The following PTPRS variants were observed in gnomAD, a reference collection of about 807,000 sequenced individuals.
The protein encoded by PTPRS is protein tyrosine phosphatase receptor type S, also known as receptor-type tyrosine-protein phosphatase S.
PTPRS carries 63 observed loss-of-function variants against 215.3 expected under a neutral mutation model. The ratio of observed to expected loss-of-function variants is 0.29; its 90% CI spans 0.24 to 0.36. The LOEUF is 0.36. Among genes scored for constraint, PTPRS ranks in the 10% least tolerant of loss-of-function variants. PTPRS has a pLI of 1.00. For missense variants in PTPRS, 2,258 were observed against 2,825.8 expected (o/e 0.80, Z 4.56); for synonymous variants, 1,404 against 1,191.4 (o/e 1.18, Z -3.68).
chr19:5,251,984 A>G (rs1460849975), intron 9 of PTPRS, among the ~76,000 whole-genome samples: 1 of 58,082 alleles, frequency 1.7e-5, no homozygotes, highest in African/African-American at 1.1e-4. Context: ...GGGGGCCAAG[A>G]GGTAAGGGGA....
chr19:5,301,440 C>T (rs922057159), intron 1 of PTPRS, among the ~76,000 whole-genome samples: 14 of 151,968 alleles, frequency 9.2e-5, no homozygotes, highest in African/African-American at 2.4e-4. Flanking sequence ...CTCAGCCTCC[C>T]GATTAGCTGG....
At chr19:5,289,254 T>C (rs2048614982) in intron 1 of PTPRS, among the ~76,000 whole-genome samples, 1 of 152,098 alleles carries the variant, frequency 6.6e-6, no homozygotes, top group Non-Finnish European at 1.5e-5. Context: ...AGAAGATCCC[T>C]AGGTCCCATC....
intron 2 of PTPRS, among the ~76,000 whole-genome samples, chr19:5,280,945 C>A (rs1039829670): frequency 9.2e-5 from 14 of 151,878 alleles, no homozygotes; most frequent in African/African-American, 3.4e-4. Context: ...GAACCCACCA[C>A]AACACCCAGC....
At chr19:5,214,880 T>TC in intron 28 of PTPRS, 144 bp from the exon 29 acceptor site, 1 of 906,824 alleles carries the variant, frequency 1.1e-6, no homozygotes, top group Non-Finnish European at 1.6e-6. Flanking sequence ...TCACAGTTTC[T>TC]CCCCCTCAGC....
At chr19:5,240,065 AAGC>A (rs2043891613) in intron 12 of PTPRS, 131 bp downstream of exon 12, 12 of 1,077,352 alleles carry the variant, frequency 1.1e-5, no homozygotes, top group Non-Finnish European at 1.4e-5. Context: ...GACGCAGGAG[AAGC>A]AGAAGGGGTG....
chr19:5,301,294 T>C (rs2049295800), intron 1 of PTPRS, among the ~76,000 whole-genome samples: 1 of 149,790 alleles, frequency 6.7e-6, no homozygotes, highest in Admixed American at 6.7e-5. Flanking sequence ...TGAGCCAGCG[T>C]CAAGTGTATT....
In PTPRS at chr19:5,206,056, AAATT is replaced by A. The variant is rs1408009406; in HGVS notation, c.*714_*717del. On this transcript the variant is annotated 3_prime_UTR_variant, in exon 38 of 38. Coordinates refer to ENST00000262963, the MANE Select transcript of PTPRS (RefSeq NM_002850.4). ...AAAGCACACTTTCTGATGGTAGGAA[AAATT>A]AAAAAAAAAAAAAAAAAAAAAAAAG... Among the ~76,000 whole-genome samples, 99 of 148,546 alleles carry A rather than the reference AAATT, an allele frequency of 6.7e-4. 1 individual carries two copies. Among genetic ancestry groups the A allele is most frequent in the African/African-American group, 2.3e-3 (90 of 39,808 alleles).
At chr19:5,285,055 G>A (rs1335285977) in intron 2 of PTPRS, among the ~76,000 whole-genome samples, 2 of 152,244 alleles carry the variant, frequency 1.3e-5, no homozygotes, top group Admixed American at 6.5e-5. Context: ...TAATACCTAC[G>A]TTTGTGGTAA....
intron 17 of PTPRS, 93 bp from the exon 18 acceptor site, chr19:5,223,390 A>C: frequency 3.0e-6 from 4 of 1,322,502 alleles, no homozygotes; most frequent in South Asian, 1.9e-5. Flanking sequence ...TTTTCCTTCA[A>C]TATAACATTT....
At position 5,215,556 on chromosome 19, in the gene PTPRS, G is replaced by T. The variant is rs373247829; in HGVS notation, c.4136C>A (p.Ala1379Glu). Residue 1379 changes from alanine (A) to glutamate (E), a missense_variant, in exon 27 of 38, where the codon GCG (alanine) becomes GAG (glutamate). By Grantham distance (107) the Ala-to-Glu change is moderately radical (BLOSUM62 -1). This residue lies in a region of PTPRS where 927 missense variants were observed against 1,125.9 expected (regional missense o/e 0.82). Coordinates refer to ENST00000262963, the MANE Select transcript of PTPRS (RefSeq NM_002850.4). The stretch of plus-strand genomic sequence containing the variant: ...GGCCTTGAGCCGCTCCGTGTGCTCC[G>T]CCATGTCTGCGATGGGAATTGGCGG... Reference protein sequence around the residue: ...SHPPIPIADMAEHTERLKAND... With the variant: ...SHPPIPIADMEEHTERLKAND... The T allele has an allele frequency of 6.2e-7, 1 of 1,611,226 alleles. No homozygotes were observed. Among genetic ancestry groups the T allele is most frequent in the South Asian group, 1.1e-5 (1 of 90,844 alleles).
At chr19:5,234,065 G>T (rs528642219) in intron 13 of PTPRS, among the ~76,000 whole-genome samples, 1 of 149,878 alleles carries the variant, frequency 6.7e-6, no homozygotes, top group Admixed American at 6.7e-5. Context: ...CATGCCAAGG[G>T]CTTCATACAA....
intron 30 of PTPRS, among the ~76,000 whole-genome samples, chr19:5,214,007 GGGCTGGGGCCCTGCTGA>G (rs1207937566): frequency 6.6e-6 from 1 of 152,240 alleles, no homozygotes; most frequent in Non-Finnish European, 1.5e-5. Flanking sequence ...CTTGAAGGCA[GGGCTGGGGCCCTGCTGA>G]GGCCCCCATC....
chr19:5,240,095 G>C, intron 12 of PTPRS, 104 bp downstream of exon 12: 1 of 1,299,084 alleles, frequency 7.7e-7, no homozygotes. Flanking sequence ...AGCAGAATCC[G>C]CAGCACACAT....
chr19:5,223,119 C>A lies in PTPRS; in HGVS notation c.2673G>T (p.Thr891=). 6.4e-7 allele frequency: 1 copy of A among 1,567,754 alleles called. No homozygotes were observed. Among genetic ancestry groups the A allele is most frequent in the Non-Finnish European group, 8.6e-7 (1 of 1,156,832 alleles). ...LEFPPSEDRY[T]ASGVHKGATY... ...TGGCCCCCTTGTGCACGCCTGATGCCGTGTAGCGGTCCTCGGAGGGCGGGA... is the reference window on the plus strand; with the variant it reads ...TGGCCCCCTTGTGCACGCCTGATGCAGTGTAGCGGTCCTCGGAGGGCGGGA... Residue 891 remains threonine (T), a synonymous_variant, in exon 18 of 38, where the codon ACG becomes ACT. Coordinates refer to ENST00000262963, the MANE Select transcript of PTPRS (RefSeq NM_002850.4).
At chr19:5,216,239 G>A (rs2041437969) in intron 26 of PTPRS, among the ~76,000 whole-genome samples, 1 of 152,084 alleles carries the variant, frequency 6.6e-6, no homozygotes, top group Admixed American at 6.5e-5. Flanking sequence ...AAGCCCCCTA[G>A]GATGGCTGCC....
chr19:5,215,273 G>T lies in PTPRS; in HGVS notation c.4318+16C>A. 6.2e-7 allele frequency: 1 copy of T among 1,613,058 alleles called. No individual in the cohort carries two copies. Among genetic ancestry groups the T allele is most frequent in the Non-Finnish European group, 8.5e-7 (1 of 1,179,186 alleles). On this transcript the variant is annotated intron_variant, in intron 28 of 37. Transcript: ENST00000262963. ...AGTGGGGAAGGGCAGGTTAAGACCCGGGATCTCCGAACTACCTTCAATGGG... is the reference window on the plus strand; with the variant it reads ...AGTGGGGAAGGGCAGGTTAAGACCCTGGATCTCCGAACTACCTTCAATGGG...
chr19:5,238,747 T>G lies in PTPRS; in HGVS notation c.1849+172A>C, dbSNP rs116555347. On this transcript the variant is annotated intron_variant, in intron 13 of 37. Coordinates refer to ENST00000262963, the MANE Select transcript of PTPRS (RefSeq NM_002850.4). ...ACCCTCGCTGTGCTGATGGGGATAC[T>G]GAGGCACAGCGCGGGTAGATGGATC... 4.7e-3 allele frequency among the ~76,000 whole-genome samples: 714 copies of G among 152,320 alleles called. 4 individuals carry two copies. The highest frequency in any genetic ancestry group is 0.016 in the African/African-American group (683 of 41,572).
chr19:5,262,825 G>T, intron 6 of PTPRS, 139 bp downstream of exon 6: 2 of 904,228 alleles, frequency 2.2e-6, no homozygotes, highest in Non-Finnish European at 3.5e-6. Context: ...GGAGGGAGAG[G>T]GCGTTAGTAA....
At chr19:5,253,370 T>C (rs889422720) in intron 9 of PTPRS, among the ~76,000 whole-genome samples, 4 of 152,234 alleles carry the variant, frequency 2.6e-5, no homozygotes, top group African/African-American at 9.6e-5. Flanking sequence ...TTGCATTTTT[T>C]CCCCTTTTTG....
Sources: gnomAD v4.1 joint callset for allele counts (sites outside exome capture counted in the v4.1 genomes callset) on GRCh38, gnomAD v4.1.1 for gene constraint, gnomAD v4.1.1 regional missense constraint, MANE v1.5 for transcripts, NCBI Gene and HGNC (gene_info 2026-07-23, HGNC 2026-07-21) for gene names.